The following LPP variants were observed in gnomAD, a reference collection of about 807,000 sequenced individuals.
LPP encodes lipoma-preferred partner.
LPP carries 38 observed loss-of-function variants against 60.4 expected under a neutral mutation model. That is an observed-to-expected ratio of 0.63 (90% CI 0.49 to 0.83). The LOEUF (loss-of-function observed/expected upper bound fraction) is 0.83. Ranked by LOEUF, LPP falls within the 40% of genes least tolerant of loss-of-function variation. The pLI is 0.00. For missense variants in LPP, 902 were observed against 783.6 expected (o/e 1.15, Z -1.80); for synonymous variants, 328 against 290.8 (o/e 1.13, Z -1.30).
intron 6 of LPP, among the ~76,000 whole-genome samples, chr3:188,590,542 C>T (rs1838463061): frequency 6.6e-6 from 1 of 152,086 alleles, no homozygotes; most frequent in South Asian, 2.1e-4. Context: ...TCACTGCAAT[C>T]CATCCTAGAC....
intron 7 of LPP, among the ~76,000 whole-genome samples, chr3:188,652,653 T>A (rs540996381): frequency 6.6e-6 from 1 of 152,216 alleles, no homozygotes; most frequent in Admixed American, 6.5e-5. Context: ...GGCTTTAGAG[T>A]CAGAAGTAGG....
intron 9 of LPP, among the ~76,000 whole-genome samples, chr3:188,856,433 G>C (rs924605748): frequency 1.3e-5 from 2 of 152,122 alleles, no homozygotes; most frequent in Admixed American, 6.5e-5. Context: ...ATAGAAGTTG[G>C]CTCAGTTGAT....
At chr3:188,512,212 C>T (rs1203534489) in intron 5 of LPP, among the ~76,000 whole-genome samples, 2 of 152,150 alleles carry the variant, frequency 1.3e-5, no homozygotes, top group Non-Finnish European at 2.9e-5. Context: ...CTTTTATCTG[C>T]ACATCCTCAT....
At chr3:188,371,641 A>ATATATATATATATATTTT (rs1553878071) in intron 3 of LPP, among the ~76,000 whole-genome samples, 1 of 32,172 alleles carries the variant, frequency 3.1e-5, no homozygotes, top group African/African-American at 1.2e-4. Context: ...ATATATATAT[A>ATATATATATATATATTTT]TTTTTTTTTT....
rs547524684 is a variant in LPP, at chr3:188,345,058, T to C, written c.-10+3339T>C. Among the ~76,000 whole-genome samples the C allele has an allele frequency of 1.6e-4, 25 of 152,282 alleles. No homozygotes were observed. The South Asian group carries it at 5.2e-3, about 32-fold the overall frequency. On this transcript the variant is annotated intron_variant, in intron 3 of 11. Coordinates refer to ENST00000617246, the MANE Select transcript of LPP (RefSeq NM_001375462.1). ...AATTATTTCATGTCACAGATGGAGA[T>C]TTTAGTGTCTGGGAGGGAATCTGAT... is the stretch of plus-strand genomic sequence containing the variant.
chr3:188,609,715 G>A lies in LPP; in HGVS notation c.984G>A (p.Arg328=). The change falls in exon 7 of 12, where the codon CGG becomes CGA. Residue 328 remains arginine, a synonymous_variant. Coordinates refer to ENST00000617246, the MANE Select transcript of LPP (RefSeq NM_001375462.1). This position sits in a 1 kb window ranked among gnomAD's most constrained non-coding sequence, Gnocchi z 6.9. The stretch of plus-strand genomic sequence containing the variant: ...AAGGTCACCCAAATACCTGGAAACG[G>A]GAACCAGGGTACACTCCTCCTGGAG... ...GQQGHPNTWK[R]EPGYTPPGAG... 1 of 1,614,060 alleles carries A rather than the reference G, an allele frequency of 6.2e-7. No individual in the cohort carries two copies. The highest frequency in any genetic ancestry group is 1.1e-5 in the South Asian group (1 of 91,078).
chr3:188,246,081 T>C (rs1726850707), intron 2 of LPP, among the ~76,000 whole-genome samples: 1 of 152,272 alleles, frequency 6.6e-6, no homozygotes, highest in Non-Finnish European at 1.5e-5. Context: ...ATCCCTTGGA[T>C]GTCCTATCTG....
At chr3:188,187,983 G>C (rs1727090157) in intron 1 of LPP, among the ~76,000 whole-genome samples, 1 of 151,884 alleles carries the variant, frequency 6.6e-6, no homozygotes, top group Non-Finnish European at 1.5e-5. Context: ...CACTCTCCTA[G>C]TCCACTGAGT....
At chr3:188,677,022 G>C (rs1361867486) in intron 7 of LPP, among the ~76,000 whole-genome samples, 1 of 152,090 alleles carries the variant, frequency 6.6e-6, no homozygotes, top group East Asian at 1.9e-4. Flanking sequence ...AGAAACTGAA[G>C]CCATCAGTTT....
At chr3:188,604,253 G>T (rs1841993682) in intron 6 of LPP, among the ~76,000 whole-genome samples, 1 of 151,986 alleles carries the variant, frequency 6.6e-6, no homozygotes, top group South Asian at 2.1e-4. Flanking sequence ...AAATAATTTG[G>T]ATTGAATTTC....
chr3:188,770,024 A>G (rs1014969560), intron 9 of LPP, among the ~76,000 whole-genome samples: 1 of 152,122 alleles, frequency 6.6e-6, no homozygotes, highest in Admixed American at 6.5e-5. Context: ...ATGGTTTAAG[A>G]TTATTTAATC....
At chr3:188,590,557 C>G (rs977527243) in intron 6 of LPP, among the ~76,000 whole-genome samples, 1 of 152,150 alleles carries the variant, frequency 6.6e-6, no homozygotes, top group Non-Finnish European at 1.5e-5. Context: ...CTAGACAACA[C>G]AGCAAGGCTG....
At position 188,406,178 on chromosome 3, in the gene LPP, C is replaced by G. The variant is rs771264620; in HGVS notation, c.58C>G (p.Pro20Ala). Residue 20 changes from proline to alanine, a missense_variant, in exon 4 of 12, where the codon CCT becomes GCT. Transcript: ENST00000617246. ...KSTGEPLGHV[P>A]ARMETTHSFG... is the part of the protein sequence containing the mutation. ...CACTGGTGAGCCCCTCGGCCATGTGCCTGCACGGATGGAGACCACCCATTC... is the reference window on the plus strand; with the variant it reads ...CACTGGTGAGCCCCTCGGCCATGTGGCTGCACGGATGGAGACCACCCATTC... The G allele has an allele frequency of 6.2e-7, 1 of 1,614,166 alleles. No homozygotes were observed. Among genetic ancestry groups the G allele is most frequent in the South Asian group, 1.1e-5 (1 of 91,084 alleles).
intron 1 of LPP, among the ~76,000 whole-genome samples, chr3:188,202,175 ACC>A (rs879343732): frequency 6.6e-6 from 1 of 151,974 alleles, no homozygotes; most frequent in African/African-American, 2.4e-5. Flanking sequence ...TCGTCTTGGC[ACC>A]ATGCATCATG....
At chr3:188,204,905 G>A (rs911525709) in intron 1 of LPP, among the ~76,000 whole-genome samples, 11 of 152,208 alleles carry the variant, frequency 7.2e-5, no homozygotes, top group Non-Finnish European at 2.9e-5. Context: ...GAGCTATAGA[G>A]AATTTGGGAC....
At chr3:188,551,568 C>T (rs1317849169) in intron 6 of LPP, among the ~76,000 whole-genome samples, 1 of 152,120 alleles carries the variant, frequency 6.6e-6, no homozygotes, top group African/African-American at 2.4e-5. Flanking sequence ...AAAATATGGA[C>T]CTTCTCATAG....
At chr3:188,367,896 T>A (rs1260234946) in intron 3 of LPP, among the ~76,000 whole-genome samples, 1 of 152,246 alleles carries the variant, frequency 6.6e-6, no homozygotes, top group African/African-American at 2.4e-5. Flanking sequence ...AGACTTGTGT[T>A]CTGTGGAACA....
intron 2 of LPP, among the ~76,000 whole-genome samples, chr3:188,278,174 A>G (rs965326606): frequency 6.6e-6 from 1 of 152,224 alleles, no homozygotes; most frequent in Non-Finnish European, 1.5e-5. Context: ...CTAGTGATCC[A>G]TATTGGATGG....
At chr3:188,288,831 AC>A (rs199604800) in intron 2 of LPP, among the ~76,000 whole-genome samples, 1 of 79,656 alleles carries the variant, frequency 1.3e-5, no homozygotes, top group Non-Finnish European at 2.4e-5. Flanking sequence ...CCCCACCCCC[AC>A]CCCCCCGCCC....
Sources: gnomAD v4.1 joint callset for allele counts (sites outside exome capture counted in the v4.1 genomes callset) on GRCh38, gnomAD v4.1.1 for gene constraint, Gnocchi (gnomAD v3.1) non-coding constraint, MANE v1.5 for transcripts, NCBI Gene and HGNC (gene_info 2026-07-23, HGNC 2026-07-21) for gene names.